The following NTM variants were observed in gnomAD, a reference collection of about 807,000 sequenced individuals.
The protein encoded by NTM is neurotrimin.
NTM carries 13 observed loss-of-function variants against 42.1 expected under a neutral mutation model. That is an observed-to-expected ratio of 0.31 (90% CI 0.20 to 0.49). The LOEUF is 0.49. Ranked by LOEUF, NTM falls within the 20% of genes least tolerant of loss-of-function variation. NTM has a pLI of 0.99. For synonymous variants in NTM, 187 were observed against 179.2 expected (o/e 1.04, Z -0.35); for missense variants, 373 against 452.8 (o/e 0.82, Z 1.60).
At chr11:132,323,383 G>T (rs1346996916) in intron 7 of NTM, among the ~76,000 whole-genome samples, 1 of 151,866 alleles carries the variant, frequency 6.6e-6, no homozygotes, top group African/African-American at 2.4e-5. Flanking sequence ...TACCATCAGA[G>T]AATACTACAA....
intron 4 of NTM, among the ~76,000 whole-genome samples, chr11:132,297,867 A>C (rs1163526179): frequency 6.6e-6 from 1 of 152,162 alleles, no homozygotes; most frequent in Admixed American, 6.5e-5. Flanking sequence ...AGGAAAACAC[A>C]CACCAATGCA....
chr11:131,715,413 A>G (rs986427662), intron 1 of NTM, among the ~76,000 whole-genome samples: 2 of 152,316 alleles, frequency 1.3e-5, no homozygotes, highest in African/African-American at 4.8e-5. Context: ...TTAGCATTTT[A>G]GACTATTTCA....
At chr11:132,235,851 A>G (rs1319989327) in intron 4 of NTM, among the ~76,000 whole-genome samples, 2 of 152,172 alleles carry the variant, frequency 1.3e-5, no homozygotes, top group Admixed American at 6.5e-5. Context: ...GTTTTTGACA[A>G]TTATCAGAAC....
intron 1 of NTM, among the ~76,000 whole-genome samples, chr11:131,644,468 C>T (rs1242178422): frequency 6.6e-6 from 1 of 152,160 alleles, no homozygotes; most frequent in Non-Finnish European, 1.5e-5. Flanking sequence ...TCATGGCCAG[C>T]AAACCGTACC....
chr11:132,334,945 ACT>A, intron 8 of NTM, 99 bp from the exon 9 acceptor site: 1 of 1,529,048 alleles, frequency 6.5e-7, no homozygotes, highest in Non-Finnish European at 8.8e-7. Context: ...TAGAGGGATG[ACT>A]CACCAGGGGC....
chr11:132,259,737 T>G (rs1036700379), intron 4 of NTM, among the ~76,000 whole-genome samples: 1 of 151,600 alleles, frequency 6.6e-6, no homozygotes, highest in Non-Finnish European at 1.5e-5. Context: ...AGTTTTTTGT[T>G]TTTGTTTGTT....
intron 4 of NTM, among the ~76,000 whole-genome samples, chr11:132,303,188 G>A (rs187146595): frequency 6.6e-6 from 1 of 152,352 alleles, no homozygotes; most frequent in Admixed American, 6.5e-5. Context: ...ATGTATTAGT[G>A]TCCCAGGACT....
intron 1 of NTM, among the ~76,000 whole-genome samples, chr11:131,819,104 C>A (rs2093070662): frequency 6.6e-6 from 1 of 152,168 alleles, no homozygotes; most frequent in African/African-American, 2.4e-5. Flanking sequence ...ACATCACCTG[C>A]CTTCATGGCC....
intron 1 of NTM, among the ~76,000 whole-genome samples, chr11:131,574,828 G>C (rs962296168): frequency 1.3e-5 from 2 of 152,008 alleles, no homozygotes; most frequent in African/African-American, 2.4e-5. Context: ...CATCGACGGG[G>C]GCTGCTCCCT....
intron 1 of NTM, among the ~76,000 whole-genome samples, chr11:131,585,640 C>T (rs1324322312): frequency 6.6e-6 from 1 of 152,168 alleles, no homozygotes; most frequent in Non-Finnish European, 1.5e-5. Flanking sequence ...GTTTGAAAGG[C>T]CATGGAGTTT....
At chr11:132,087,825 C>G (rs1010567936) in intron 2 of NTM, among the ~76,000 whole-genome samples, 1 of 151,934 alleles carries the variant, frequency 6.6e-6, no homozygotes, top group African/African-American at 2.4e-5. Flanking sequence ...GGGAGAGAAA[C>G]TTTTGATTGC....
intron 2 of NTM, among the ~76,000 whole-genome samples, chr11:132,023,751 G>A (rs1233629246): frequency 6.6e-6 from 1 of 151,598 alleles, no homozygotes; most frequent in Non-Finnish European, 1.5e-5. Context: ...GTTGGTGGTG[G>A]TTTTGTTGTT....
intron 2 of NTM, among the ~76,000 whole-genome samples, chr11:131,919,246 C>G (rs2056880584): frequency 6.6e-6 from 1 of 151,960 alleles, no homozygotes; most frequent in Non-Finnish European, 1.5e-5. Context: ...GAACATCGTC[C>G]TTGTGTTATT....
rs138331967 is a variant in NTM, at chr11:131,863,226, C to A, written c.83-48338C>A. Among the ~76,000 whole-genome samples, 6 of 152,320 alleles carry A rather than the reference C, an allele frequency of 3.9e-5. No homozygotes were observed. The East Asian group carries it at 1.2e-3, about 29-fold the overall frequency. ...GTGAAGAAAGGGGGAACTGGTGAAG[C>A]CCTGGGCATTTCACCTCAGGGCTGC... On this transcript the variant is annotated intron_variant, in intron 1 of 8. Coordinates refer to ENST00000683400, the MANE Select transcript of NTM (RefSeq NM_001352005.2).
At chr11:131,622,371 C>T (rs529637107) in intron 1 of NTM, among the ~76,000 whole-genome samples, 119 of 152,270 alleles carry the variant, frequency 7.8e-4, no homozygotes, top group African/African-American at 2.4e-3. Flanking sequence ...CCTCGGGCCC[C>T]GGGCCATGTC....
At chr11:132,095,043 C>G (rs1164443186) in intron 2 of NTM, among the ~76,000 whole-genome samples, 5 of 152,284 alleles carry the variant, frequency 3.3e-5, no homozygotes, top group African/African-American at 1.2e-4. Context: ...CTCATGTGAG[C>G]CAGAGGAGTG....
At chr11:131,982,858 G>T (rs1011769713) in intron 2 of NTM, among the ~76,000 whole-genome samples, 7 of 152,106 alleles carry the variant, frequency 4.6e-5, no homozygotes, top group African/African-American at 1.7e-4. Context: ...TTAACACAAA[G>T]AAAGGACCTG....
intron 1 of NTM, among the ~76,000 whole-genome samples, chr11:131,662,922 A>G (rs549958757): frequency 6.6e-6 from 1 of 152,250 alleles, no homozygotes; most frequent in East Asian, 1.9e-4. Context: ...TTTTACAAGA[A>G]CATGTTCCAC....
chr11:131,702,008 G>T (rs2076124181), intron 1 of NTM, among the ~76,000 whole-genome samples: 1 of 152,112 alleles, frequency 6.6e-6, no homozygotes, highest in Non-Finnish European at 1.5e-5. Flanking sequence ...TCCTGTCCTT[G>T]GTGGGAAAGA....
Sources: allele counts gnomAD v4.1 joint callset (sites outside exome capture counted in the v4.1 genomes callset), GRCh38; gene constraint gnomAD v4.1.1; transcripts MANE v1.5; gene names NCBI Gene and HGNC (gene_info 2026-07-23, HGNC 2026-07-21).